RRM2: variants seen among roughly 807,000 people sequenced by gnomAD.
The protein encoded by RRM2 is ribonucleoside-diphosphate reductase subunit M2.
In RRM2, 6 loss-of-function variants were observed where a neutral mutation model predicts 45.9. The observed-to-expected ratio is 0.13, with a 90% CI of 0.07 to 0.26. RRM2 has a LOEUF of 0.26. Among genes scored for constraint, RRM2 ranks in the 10% least tolerant of loss-of-function variants. RRM2 has a pLI of 1.00. For synonymous variants in RRM2, 177 were observed against 173.0 expected (o/e 1.02, Z -0.18); for missense variants, 343 against 489.5 (o/e 0.70, Z 2.82).
In RRM2 at chr2:10,123,441, C is replaced by T. The variant is rs1662713221; in HGVS notation, c.229C>T (p.Pro77Ser). Residue 77 changes from proline to serine, a missense_variant, in exon 3 of 10, where the codon CCC (proline) becomes TCC (serine). By Grantham distance (74) the Pro-to-Ser change is moderately conservative (BLOSUM62 -1). Around this residue, in one of 2 missense-constraint regions of RRM2, gnomAD observed 131 missense variants for 121.4 expected, o/e 1.08. Coordinates refer to ENST00000304567, the MANE Select transcript of RRM2 (RefSeq NM_001034.4). ...VEDEPLLREN[P>S]RRFVIFPIEY... The stretch of plus-strand genomic sequence containing the variant: ...GGATGAGCCGCTGCTGAGAGAAAAC[C>T]CCCGCCGCTTTGTCATCTTCCCCAT... 1 of 1,614,058 alleles carries T rather than the reference C, an allele frequency of 6.2e-7. No individual in the cohort carries two copies. The highest frequency in any genetic ancestry group is 1.3e-5 in the African/African-American group (1 of 74,914).
At chr2:10,141,866 C>T (rs374960248) in exon 2 of RRM2, 14 of 1,561,500 alleles carry the variant, frequency 9.0e-6, no homozygotes, top group South Asian at 2.4e-5. Flanking sequence ...GCTGGGAGAC[C>T]GTGAAGTGCA....
At position 10,166,703 on chromosome 2, in the gene RRM2, C is replaced by A. The variant is rs185945289; in HGVS notation, n.482+24328C>A. Among the ~76,000 whole-genome samples the A allele has an allele frequency of 2.2e-4, 33 of 152,364 alleles. No homozygotes were observed. In the East Asian group the frequency reaches 5.8e-3, roughly 27 times the overall value. Reference sequence around the variant, plus strand: ...TGCCTGCAAAGCCCTCGCCCTGTTCCCTATGGCGCACCAGCTGCTTGGATG... The same window carrying A: ...TGCCTGCAAAGCCCTCGCCCTGTTCACTATGGCGCACCAGCTGCTTGGATG... On this transcript the variant is annotated intron_variant and non_coding_transcript_variant, in intron 3 of 3. Transcript: ENST00000381786.
At chr2:10,166,500 C>T (rs1663685748) in intron 3 of RRM2, among the ~76,000 whole-genome samples, 1 of 152,238 alleles carries the variant, frequency 6.6e-6, no homozygotes. Context: ...GTGCTCCCTG[C>T]TGTCTGCGTC....
chr2:10,139,333 T>A (rs879331970), upstream of RRM2, among the ~76,000 whole-genome samples: 26 of 152,370 alleles, frequency 1.7e-4, no homozygotes, highest in South Asian at 1.9e-3. Context: ...TGGCTCATAT[T>A]TCTAAGAGAT....
intron 3 of RRM2, among the ~76,000 whole-genome samples, chr2:10,196,650 A>T (rs1664422225): frequency 6.6e-6 from 1 of 152,244 alleles, no homozygotes; most frequent in African/African-American, 2.4e-5. Flanking sequence ...GACAGCCAGC[A>T]GCCCTGGCCT....
At chr2:10,146,171 CA>C (rs1663182144) in intron 3 of RRM2, 1 of 152,252 alleles carries the variant, frequency 6.6e-6, no homozygotes, top group African/African-American at 2.4e-5. Flanking sequence ...CCTTGAGGCT[CA>C]GGGAGGTTAA....
At chr2:10,176,357 C>T (rs1663913488) in intron 3 of RRM2, among the ~76,000 whole-genome samples, 1 of 152,108 alleles carries the variant, frequency 6.6e-6, no homozygotes, top group African/African-American at 2.4e-5. Context: ...CAACCTCCGC[C>T]TCCCGGGTTC....
downstream of RRM2, among the ~76,000 whole-genome samples, chr2:10,132,688 G>A (rs988804301): frequency 7.9e-5 from 12 of 152,232 alleles, no homozygotes; most frequent in Non-Finnish European, 1.3e-4. Context: ...GTGTCCCAGA[G>A]GAACCTAGTA....
Position 10,172,427 on chromosome 2 carries a change from T to C in RRM2, n.482+30052T>C, listed in dbSNP as rs1003551661. ...GCGCTCCTTGTCTCCGTCAGTGATT[T>C]ATAGGAAGCTGGCTCAACCGAGAGC... On this transcript the variant is annotated intron_variant and non_coding_transcript_variant, in intron 3 of 3. Coordinates refer to the RRM2 transcript ENST00000381786. This position sits in a 1 kb window ranked among gnomAD's most constrained non-coding sequence, Gnocchi z 4.9. Among the ~76,000 whole-genome samples the C allele has an allele frequency of 2.0e-5, 3 of 152,156 alleles. No homozygotes were observed. Among genetic ancestry groups the C allele is most frequent in the South Asian group, 2.1e-4 (1 of 4,820 alleles).
chr2:10,184,028 G>A (rs1348167775), intron 3 of RRM2, among the ~76,000 whole-genome samples: 1 of 136,094 alleles, frequency 7.3e-6, no homozygotes, highest in Non-Finnish European at 1.5e-5. Flanking sequence ...AGGAGGTGGA[G>A]CTTACAGTGA....
chr2:10,146,711 A>C (rs1265875575), intron 3 of RRM2, among the ~76,000 whole-genome samples: 1 of 152,196 alleles, frequency 6.6e-6, no homozygotes, highest in Non-Finnish European at 1.5e-5. Flanking sequence ...GGTGCCTGGT[A>C]AGCCCCGGGA....
Position 10,195,478 on chromosome 2 carries a change from C to T in RRM2, n.483-14833C>T, listed in dbSNP as rs1664398073. ...AGCAGCAGGAGCATGCGGGGGAGACCTTGGCCCAGCCCTGCAGTCAGGCAG... is the reference window on the plus strand; with the variant it reads ...AGCAGCAGGAGCATGCGGGGGAGACTTTGGCCCAGCCCTGCAGTCAGGCAG... On this transcript the variant is annotated intron_variant and non_coding_transcript_variant, in intron 3 of 3. Transcript: ENST00000381786. This position sits in a 1 kb window ranked among gnomAD's most constrained non-coding sequence, Gnocchi z 4.9. Among the ~76,000 whole-genome samples the T allele has an allele frequency of 6.6e-6, 1 of 152,206 alleles. No homozygotes were observed. Among genetic ancestry groups the T allele is most frequent in the African/African-American group, 2.4e-5 (1 of 41,458 alleles).
intron 3 of RRM2, among the ~76,000 whole-genome samples, chr2:10,166,990 G>A (rs923905733): frequency 2.6e-5 from 4 of 152,220 alleles, no homozygotes; most frequent in Admixed American, 6.5e-5. Context: ...CTTTGCTGGG[G>A]CCAGTGTCAG....
intron 3 of RRM2, among the ~76,000 whole-genome samples, chr2:10,161,598 A>T (rs981179856): frequency 2.0e-5 from 3 of 152,060 alleles, no homozygotes; most frequent in Admixed American, 1.3e-4. Flanking sequence ...CAACACAGCC[A>T]CACACACACA....
intron 3 of RRM2, among the ~76,000 whole-genome samples, chr2:10,209,914 C>A (rs1045686761): frequency 6.6e-6 from 1 of 152,220 alleles, no homozygotes; most frequent in Non-Finnish European, 1.5e-5. Context: ...AGGGGCACAG[C>A]TGAAATCTGT....
chr2:10,154,912 T>A lies in RRM2; in HGVS notation n.482+12537T>A, dbSNP rs1663395099. On this transcript the variant is annotated intron_variant and non_coding_transcript_variant, in intron 3 of 3. Transcript: ENST00000381786. ...GGTTTCTCCATGTTGGCCAGGCTGG[T>A]CTTGAACTCCCGACCTCAGGTGATC... Among the ~76,000 whole-genome samples, 11 of 151,956 alleles carry A rather than the reference T, an allele frequency of 7.2e-5. No individual in the cohort carries two copies. In the South Asian group the frequency reaches 2.3e-3, roughly 32 times the overall value.
Position 10,127,042 on chromosome 2 carries a change from G to A in RRM2, c.665-45G>A. On this transcript the variant is annotated intron_variant, in intron 6 of 9. Transcript: ENST00000304567. This position sits in a 1 kb window ranked among gnomAD's most constrained non-coding sequence, Gnocchi z 4.1. ...TAATGTTACTGGATTTTTGGCCCTT[G>A]AATACCAACTCACTAGAATCATGTT... 5.0e-6 allele frequency: 8 copies of A among 1,611,560 alleles called. No individual in the cohort carries two copies. Among genetic ancestry groups the A allele is most frequent in the Non-Finnish European group, 5.9e-6 (7 of 1,177,898 alleles).
intron 4 of RRM2, among the ~76,000 whole-genome samples, chr2:10,124,397 C>T (rs750795763): frequency 1.8e-4 from 28 of 152,204 alleles, no homozygotes; most frequent in Non-Finnish European, 3.5e-4. Context: ...TGAGCCACCA[C>T]GCCCGGCTCT....
intron 3 of RRM2, among the ~76,000 whole-genome samples, chr2:10,191,346 C>T (rs1664302868): frequency 6.6e-6 from 1 of 152,218 alleles, no homozygotes; most frequent in East Asian, 1.9e-4. Flanking sequence ...CTAAACCTTG[C>T]ATGACACTTA....
Sources: allele counts gnomAD v4.1 joint callset (sites outside exome capture counted in the v4.1 genomes callset), GRCh38; gene constraint gnomAD v4.1.1; regional missense constraint gnomAD v4.1.1; non-coding constraint Gnocchi (gnomAD v3.1); transcripts MANE v1.5; gene names NCBI Gene and HGNC (gene_info 2026-07-23, HGNC 2026-07-21).